The following CSMD1 variants were observed in gnomAD, a reference collection of about 807,000 sequenced individuals.
The protein encoded by CSMD1 is CUB and sushi domain-containing protein 1.
Under a neutral mutation model 417.5 loss-of-function variants are expected in CSMD1, and 213 were observed. The ratio of observed to expected loss-of-function variants is 0.51; its 90% confidence interval spans 0.46 to 0.57. The LOEUF (loss-of-function observed/expected upper bound fraction) is 0.57, where lower values mean the gene tolerates loss of function less well. Among genes scored for constraint, CSMD1 ranks in the 20% least tolerant of loss-of-function variants. CSMD1 has a pLI of 0.00. For synonymous variants in CSMD1, 2,862 were observed against 1,736.8 expected, an observed-to-expected ratio of 1.65 and a Z score of -16.11; for missense variants, 6,923 against 4,529.7, an observed-to-expected ratio of 1.53 and a Z score of -15.17.
chr8:4,713,828 G>A (rs73659190), intron 1 of CSMD1, among the ~76,000 whole-genome samples: 1 of 152,076 alleles, frequency 6.6e-6, no homozygotes, highest in African/African-American at 2.4e-5. Context: ...GCTTTCTTCT[G>A]TCCTTTTAAT....
chr8:4,234,425 A>T lies in CSMD1; in HGVS notation c.415+185528T>A, dbSNP rs1467105991. ...ACCACCTCAGTCTGCTCTTCCATGG[A>T]AACTACCTTTGCTACCAAGACGTCC... On this transcript the variant is annotated intron_variant, in intron 3 of 69. Coordinates refer to ENST00000635120, the MANE Select transcript of CSMD1 (RefSeq NM_033225.6). Among the ~76,000 whole-genome samples, 3 of 152,042 alleles carry T rather than the reference A, an allele frequency of 2.0e-5. 1 individual carries two copies. The highest frequency in any genetic ancestry group is 4.4e-5 in the Non-Finnish European group (3 of 68,010).
chr8:3,106,786 T>G (rs1249575867), intron 45 of CSMD1, 145 bp from the exon 46 acceptor site: 1 of 517,662 alleles, frequency 1.9e-6, no homozygotes, highest in Non-Finnish European at 3.5e-6. Context: ...TTTAGTCTTT[T>G]AAAAATAATA....
intron 5 of CSMD1, among the ~76,000 whole-genome samples, chr8:3,922,000 T>A (rs1028718130): frequency 6.6e-6 from 1 of 152,178 alleles, no homozygotes; most frequent in African/African-American, 2.4e-5. Flanking sequence ...TCCATACTGT[T>A]AATATATTGT....
At chr8:4,023,896 C>A (rs909426371) in intron 4 of CSMD1, among the ~76,000 whole-genome samples, 3 of 149,932 alleles carry the variant, frequency 2.0e-5, no homozygotes, top group Non-Finnish European at 4.4e-5. Flanking sequence ...GGATTACAGG[C>A]GTGAGCCACA....
In CSMD1 at chr8:4,451,648, T is replaced by C. The variant is rs150033828; in HGVS notation, c.303-31583A>G. On this transcript the variant is annotated intron_variant, in intron 2 of 69. Coordinates refer to ENST00000635120, the MANE Select transcript of CSMD1 (RefSeq NM_033225.6). ...AATCTACTAGAAGGTAATGTTAGGA[T>C]ACATTCCTTAGTCAATTGAGTTCAC... Among the ~76,000 whole-genome samples, 851 of 152,298 alleles carry C rather than the reference T, an allele frequency of 5.6e-3. 6 individuals are homozygous for C. Among genetic ancestry groups the C allele is most frequent in the African/African-American group, 0.019 (800 of 41,560 alleles).
chr8:4,561,969 G>A (rs915245967), intron 2 of CSMD1, among the ~76,000 whole-genome samples: 5 of 152,016 alleles, frequency 3.3e-5, no homozygotes, highest in South Asian at 2.1e-4. Flanking sequence ...ACGCCCATCC[G>A]GTAAACGAAG....
At chr8:3,306,637 A>G (rs1452992274) in intron 25 of CSMD1, among the ~76,000 whole-genome samples, 1 of 151,384 alleles carries the variant, frequency 6.6e-6, no homozygotes, top group Non-Finnish European at 1.5e-5. Flanking sequence ...CAAATTTTGT[A>G]CAGAAAATTA....
intron 3 of CSMD1, among the ~76,000 whole-genome samples, chr8:4,102,550 T>C (rs536165680): frequency 6.3e-4 from 96 of 151,816 alleles, no homozygotes; most frequent in African/African-American, 2.3e-3. Context: ...AAATGTCAGC[T>C]TATCACAGGA....
chr8:2,966,000 T>A (rs1407162033), intron 58 of CSMD1, 46 bp from the exon 59 acceptor site: 35 of 1,485,178 alleles, frequency 2.4e-5, no homozygotes, highest in Non-Finnish European at 3.1e-5. Flanking sequence ...TCATTTACCA[T>A]GAAATGAATT....
chr8:4,689,100 G>A (rs903832815), intron 1 of CSMD1, among the ~76,000 whole-genome samples: 5 of 152,116 alleles, frequency 3.3e-5, no homozygotes, highest in Admixed American at 2.0e-4. Context: ...TGATAAATTT[G>A]TTCTCAACCC....
At chr8:4,488,133 C>T (rs1413769334) in intron 2 of CSMD1, among the ~76,000 whole-genome samples, 3 of 152,148 alleles carry the variant, frequency 2.0e-5, no homozygotes, top group East Asian at 3.9e-4. Context: ...CCCCAGACAT[C>T]GAATTTGCTG....
At chr8:3,142,433 T>G (rs1370855167) in intron 41 of CSMD1, 32 bp downstream of exon 41, 1 of 1,540,100 alleles carries the variant, frequency 6.5e-7, no homozygotes, top group Admixed American at 1.8e-5. Context: ...TGTATTTAGA[T>G]TTGGGTTTCG....
chr8:4,296,858 T>G (rs1322943142), intron 3 of CSMD1, among the ~76,000 whole-genome samples: 1 of 152,040 alleles, frequency 6.6e-6, no homozygotes, highest in African/African-American at 2.4e-5. Context: ...TCTCCCAGAC[T>G]TGTCTTAGAC....
At chr8:3,706,276 C>A (rs1210602565) in intron 7 of CSMD1, among the ~76,000 whole-genome samples, 1 of 152,176 alleles carries the variant, frequency 6.6e-6, no homozygotes, top group African/African-American at 2.4e-5. Context: ...ATTGTGTAAG[C>A]GATGACATTT....
chr8:4,448,349 T>G (rs1268889101), intron 2 of CSMD1, among the ~76,000 whole-genome samples: 2 of 152,236 alleles, frequency 1.3e-5, no homozygotes, highest in South Asian at 2.1e-4. Flanking sequence ...CCTTCTGCAC[T>G]AACTCAATTA....
intron 1 of CSMD1, among the ~76,000 whole-genome samples, chr8:4,639,946 G>C (rs1053775947): frequency 1.3e-5 from 2 of 152,108 alleles, no homozygotes; most frequent in East Asian, 1.9e-4. Flanking sequence ...GTTTTGAAAG[G>C]TTTTTAAAGA....
At chr8:4,325,023 G>A (rs868051722) in intron 3 of CSMD1, among the ~76,000 whole-genome samples, 1 of 152,112 alleles carries the variant, frequency 6.6e-6, no homozygotes, top group South Asian at 2.1e-4. Context: ...TTGAGTGAGT[G>A]CTGCACTGTG....
At chr8:4,832,566 T>C (rs1007879598) in intron 1 of CSMD1, among the ~76,000 whole-genome samples, 3 of 152,174 alleles carry the variant, frequency 2.0e-5, no homozygotes, top group Non-Finnish European at 2.9e-5. Context: ...ACAGAAATGA[T>C]TGGTTGTCTG....
intron 4 of CSMD1, among the ~76,000 whole-genome samples, chr8:4,019,205 T>C (rs1563324923): frequency 6.6e-6 from 1 of 152,114 alleles, no homozygotes; most frequent in Non-Finnish European, 1.5e-5. Flanking sequence ...TTATGGACAA[T>C]AAACCTGAGA....
Sources: allele counts gnomAD v4.1 joint callset (sites outside exome capture counted in the v4.1 genomes callset), GRCh38; gene constraint gnomAD v4.1.1; transcripts MANE v1.5; gene names NCBI Gene and HGNC (gene_info 2026-07-23, HGNC 2026-07-21).